DCLK1: variants seen among roughly 807,000 people sequenced by gnomAD.
DCLK1 encodes the protein serine/threonine-protein kinase DCLK1.
In DCLK1, 16 loss-of-function variants were observed where a neutral mutation model predicts 86.2. That is an observed-to-expected ratio of 0.19 (90% CI 0.13 to 0.28). The LOEUF (loss-of-function observed/expected upper bound fraction) is 0.28. Ranked by LOEUF, DCLK1 falls within the 10% of genes least tolerant of loss-of-function variation. DCLK1 has a pLI of 1.00. For synonymous variants in DCLK1, 369 were observed against 370.5 expected (o/e 1.00, Z 0.05); for missense variants, 590 against 940.2 (o/e 0.63, Z 4.87).
chr13:35,908,070 A>G (rs1018861769), intron 4 of DCLK1, among the ~76,000 whole-genome samples: 1 of 152,150 alleles, frequency 6.6e-6, no homozygotes, highest in Non-Finnish European at 1.5e-5. Context: ...GGATCTTAAA[A>G]TAGGACTGTG....
At chr13:36,122,088 G>C (rs781111262) in intron 2 of DCLK1, among the ~76,000 whole-genome samples, 23 of 152,194 alleles carry the variant, frequency 1.5e-4, no homozygotes, top group Non-Finnish European at 2.6e-4. Context: ...GAGAGGCATA[G>C]AGAAAGCCAG....
intron 3 of DCLK1, among the ~76,000 whole-genome samples, chr13:36,006,711 G>C (rs993340645): frequency 6.6e-6 from 1 of 152,148 alleles, no homozygotes; most frequent in Non-Finnish European, 1.5e-5. Flanking sequence ...TTCTATTTGG[G>C]GTGGCCTAGA....
At chr13:35,991,619 A>G (rs12867287) in intron 3 of DCLK1, among the ~76,000 whole-genome samples, 70,022 of 152,066 alleles carry the variant, frequency 0.46, 16,539 homozygotes, top group Admixed American at 0.51. Flanking sequence ...AGCTGTGATC[A>G]TACCACTGCA....
At chr13:35,878,833 C>A (rs985689599) in intron 4 of DCLK1, among the ~76,000 whole-genome samples, 2 of 151,764 alleles carry the variant, frequency 1.3e-5, no homozygotes, top group Non-Finnish European at 1.5e-5. Context: ...TCGCCCAGGC[C>A]AGAGTACAGT....
chr13:35,902,445 G>A (rs567308143), intron 4 of DCLK1, among the ~76,000 whole-genome samples: 130 of 152,294 alleles, frequency 8.5e-4, no homozygotes, highest in African/African-American at 3.1e-3. Flanking sequence ...ATCCTGGCAG[G>A]ATAGCATGCT....
chr13:36,096,668 A>G (rs1885031767), intron 3 of DCLK1, among the ~76,000 whole-genome samples: 1 of 152,234 alleles, frequency 6.6e-6, no homozygotes, highest in Non-Finnish European at 1.5e-5. Context: ...TGGAAGCCAT[A>G]TTTTAACTAT....
At chr13:36,015,858 A>G (rs1388537990) in intron 3 of DCLK1, among the ~76,000 whole-genome samples, 1 of 152,218 alleles carries the variant, frequency 6.6e-6, no homozygotes, top group Non-Finnish European at 1.5e-5. Context: ...ACTAGAGATG[A>G]AAAACATCAA....
intron 6 of DCLK1, among the ~76,000 whole-genome samples, chr13:35,844,209 G>T (rs1428314191): frequency 3.3e-5 from 5 of 152,132 alleles, no homozygotes; most frequent in Non-Finnish European, 4.4e-5. Flanking sequence ...AATGAATACT[G>T]AAAAATGTAA....
intron 3 of DCLK1, among the ~76,000 whole-genome samples, chr13:36,041,111 C>G (rs372771135): frequency 1.3e-5 from 2 of 152,078 alleles, no homozygotes; most frequent in Non-Finnish European, 2.9e-5. Flanking sequence ...GTGTTCATTG[C>G]TACTAGGCCC....
At chr13:35,970,795 G>T (rs545159913) in intron 3 of DCLK1, among the ~76,000 whole-genome samples, 30 of 152,252 alleles carry the variant, frequency 2.0e-4, no homozygotes, top group African/African-American at 7.0e-4. Context: ...AGCATAAAAT[G>T]AACTAAGACA....
intron 2 of DCLK1, among the ~76,000 whole-genome samples, chr13:36,117,209 A>G (rs906115976): frequency 2.4e-4 from 37 of 152,328 alleles, no homozygotes; most frequent in African/African-American, 8.2e-4. Context: ...TGAAAAGTAG[A>G]GACTCTTTTA....
At position 35,836,105 on chromosome 13, in the gene DCLK1, A is replaced by G; in HGVS notation, c.1157T>C (p.Ile386Thr). ...SEEGFQIPATITERYKVGRTI... is the reference protein window; with the variant it reads ...SEEGFQIPATTTERYKVGRTI... ...TCTTCCGACTTTATATCGTTCTGTT[A>G]TTGTAGCTGGAATCTGGAAGCCTTC... is the stretch of plus-strand genomic sequence containing the variant. Residue 386 changes from isoleucine (I) to threonine (T), a missense_variant, in exon 8 of 17, where the codon ATA becomes ACA. Physicochemically the swap from Ile to Thr is moderately conservative, Grantham distance 89 (BLOSUM62 -1). Coordinates refer to ENST00000360631, the MANE Select transcript of DCLK1 (RefSeq NM_001330071.2). The G allele has an allele frequency of 6.2e-7, 1 of 1,613,104 alleles. No individual in the cohort carries two copies. The highest frequency in any genetic ancestry group is 8.5e-7 in the Non-Finnish European group (1 of 1,179,828).
At chr13:35,855,470 A>G (rs368692698) in intron 5 of DCLK1, 66 of 1,564,082 alleles carry the variant, frequency 4.2e-5, no homozygotes, top group Middle Eastern at 3.3e-4. Context: ...TGCAAAATAA[A>G]TGCTTTCCAC....
chr13:35,850,848 G>A lies in DCLK1; in HGVS notation c.1035+3651C>T, dbSNP rs74046518. 9,653 of 1,285,708 alleles carry A rather than the reference G, an allele frequency of 7.5e-3. 508 individuals carry two copies. In the African/African-American group the frequency reaches 0.12, roughly 17 times the overall value. The allele number at this position is 1,285,708 out of a possible 1,614,324, so 79.6% of individuals were successfully genotyped here. ...GTGCCCTGTGGCTCTCGTGAGAGCA[G>A]CACTGAATGGGCATCCCCAGTTTCT... On this transcript the variant is annotated intron_variant, in intron 6 of 16. Transcript: ENST00000360631.
intron 2 of DCLK1, among the ~76,000 whole-genome samples, chr13:36,123,423 A>G (rs1294005410): frequency 6.6e-6 from 1 of 152,230 alleles, no homozygotes; most frequent in East Asian, 1.9e-4. Context: ...CAAAGTTACC[A>G]TTCATTCAAT....
chr13:36,094,963 C>G (rs1884954601), intron 3 of DCLK1, among the ~76,000 whole-genome samples: 1 of 152,166 alleles, frequency 6.6e-6, no homozygotes, highest in African/African-American at 2.4e-5. Context: ...ATGTCTATGT[C>G]TTCCCTTATG....
At chr13:36,052,833 C>T (rs973827040) in intron 3 of DCLK1, among the ~76,000 whole-genome samples, 5 of 152,130 alleles carry the variant, frequency 3.3e-5, no homozygotes, top group East Asian at 1.9e-4. Flanking sequence ...GTAGGAGAGA[C>T]GTCTATGAAC....
intron 3 of DCLK1, among the ~76,000 whole-genome samples, chr13:35,956,908 C>A (rs925527187): frequency 1.3e-5 from 2 of 152,138 alleles, no homozygotes; most frequent in African/African-American, 4.8e-5. Context: ...ACAAAATGCT[C>A]CTCTGGCCTG....
intron 11 of DCLK1, among the ~76,000 whole-genome samples, chr13:35,812,715 T>C (rs551511824): frequency 7.7e-4 from 118 of 152,340 alleles, no homozygotes; most frequent in South Asian, 1.2e-3. Context: ...TCCACACTCA[T>C]AGCATGGAGT....
Sources: allele counts gnomAD v4.1 joint callset (sites outside exome capture counted in the v4.1 genomes callset), GRCh38; gene constraint gnomAD v4.1.1; transcripts MANE v1.5; gene names NCBI Gene and HGNC (gene_info 2026-07-23, HGNC 2026-07-21).